DLGAP1: variants seen among roughly 807,000 people sequenced by gnomAD.
DLGAP1 encodes the protein DLG associated protein 1.
Under a neutral mutation model 90.8 loss-of-function variants are expected in DLGAP1, and 11 were observed. That is an observed-to-expected ratio of 0.12 (90% CI 0.08 to 0.20). The LOEUF is 0.20. Ranked by LOEUF, DLGAP1 falls within the 10% of genes least tolerant of loss-of-function variation. The probability of loss-of-function intolerance (pLI) is 1.00; values close to 1 mark genes in which losing one functional copy is unlikely to be tolerated. For missense variants in DLGAP1, 1,050 were observed against 1,333.8 expected, an observed-to-expected ratio of 0.79 and a Z score of 3.31; for synonymous variants, 558 against 540.7, an observed-to-expected ratio of 1.03 and a Z score of -0.44.
intron 7 of DLGAP1, among the ~76,000 whole-genome samples, chr18:3,725,791 T>C (rs1314277103): frequency 6.6e-6 from 1 of 152,198 alleles, no homozygotes; most frequent in Non-Finnish European, 1.5e-5. Flanking sequence ...TCCTTAATTT[T>C]TCCTGATTTG....
At chr18:4,210,948 C>T (rs1377261206) in intron 1 of DLGAP1, among the ~76,000 whole-genome samples, 2 of 152,106 alleles carry the variant, frequency 1.3e-5, no homozygotes, top group African/African-American at 4.8e-5. Flanking sequence ...TGTCTCCTGA[C>T]CTTGAGGTCA....
intron 2 of DLGAP1, among the ~76,000 whole-genome samples, chr18:4,013,070 TA>T (rs2074456213): frequency 6.6e-6 from 1 of 152,186 alleles, no homozygotes; most frequent in Non-Finnish European, 1.5e-5. Flanking sequence ...AATTGAGTAA[TA>T]TTAAGTTGTA....
chr18:3,964,718 T>C (rs184583972), intron 3 of DLGAP1, among the ~76,000 whole-genome samples: 151 of 152,288 alleles, frequency 9.9e-4, no homozygotes, highest in African/African-American at 3.5e-3. Context: ...GGTAGCCACT[T>C]AGTGTTTCAG....
At chr18:3,650,548 T>C (rs1397887735) in intron 7 of DLGAP1, among the ~76,000 whole-genome samples, 2 of 152,186 alleles carry the variant, frequency 1.3e-5, no homozygotes, top group Non-Finnish European at 1.5e-5. Context: ...GTTTGTTTAG[T>C]GTGGTGCTCC....
intron 4 of DLGAP1, among the ~76,000 whole-genome samples, chr18:3,862,531 G>A (rs963935176): frequency 2.7e-5 from 4 of 145,856 alleles, no homozygotes; most frequent in Admixed American, 7.3e-5. Context: ...GGTACAAAAC[G>A]CAGAGGAGCC....
At chr18:4,071,171 CT>C (rs2143465861) in intron 2 of DLGAP1, among the ~76,000 whole-genome samples, 1 of 151,710 alleles carries the variant, frequency 6.6e-6, no homozygotes, top group East Asian at 1.9e-4. Context: ...GACTTATTTC[CT>C]TAGAATTGAT....
chr18:3,514,918 T>C (rs1404597097), intron 10 of DLGAP1, among the ~76,000 whole-genome samples: 2 of 152,154 alleles, frequency 1.3e-5, no homozygotes, highest in Non-Finnish European at 2.9e-5. Context: ...TCACTTTGTA[T>C]TTTTTGTAGA....
chr18:4,188,946 T>C (rs545807996), intron 1 of DLGAP1, among the ~76,000 whole-genome samples: 3 of 152,344 alleles, frequency 2.0e-5, no homozygotes, highest in African/African-American at 7.2e-5. Flanking sequence ...GGAGATATTT[T>C]TGAATGATGT....
At chr18:4,233,112 C>G (rs1199368472) in intron 1 of DLGAP1, among the ~76,000 whole-genome samples, 1 of 152,080 alleles carries the variant, frequency 6.6e-6, no homozygotes, top group Non-Finnish European at 1.5e-5. Flanking sequence ...TCCATCTTCC[C>G]CTCATGTTAA....
At chr18:3,897,906 T>C (rs377257776) in intron 3 of DLGAP1, among the ~76,000 whole-genome samples, 4 of 148,670 alleles carry the variant, frequency 2.7e-5, no homozygotes, top group East Asian at 2.1e-4. Context: ...GCCATTCTCC[T>C]GCCTCAGCCT....
chr18:3,776,915 T>A (rs146125303), intron 5 of DLGAP1, among the ~76,000 whole-genome samples: 244 of 152,258 alleles, frequency 1.6e-3, no homozygotes, highest in African/African-American at 5.8e-3. Flanking sequence ...CTCAGCCTCA[T>A]GAGCAGCTGG....
At chr18:4,169,061 GT>G (rs2076981164) in intron 1 of DLGAP1, among the ~76,000 whole-genome samples, 1 of 152,118 alleles carries the variant, frequency 6.6e-6, no homozygotes. Flanking sequence ...TTTTGAGTAT[GT>G]TTCTAGAGTG....
At chr18:4,404,759 CCAGA>C (rs1309117881) in intron 1 of DLGAP1, among the ~76,000 whole-genome samples, 1 of 151,990 alleles carries the variant, frequency 6.6e-6, no homozygotes, top group Admixed American at 6.5e-5. Flanking sequence ...CGCATAAAGG[CCAGA>C]CAAATACAGC....
chr18:3,528,500 T>C (rs1056756661), intron 10 of DLGAP1, among the ~76,000 whole-genome samples: 2 of 152,252 alleles, frequency 1.3e-5, no homozygotes, highest in South Asian at 4.1e-4. Context: ...CAACGCAAAG[T>C]ATCATTATCT....
chr18:4,072,003 T>C (rs574489557), intron 2 of DLGAP1, among the ~76,000 whole-genome samples: 1 of 152,334 alleles, frequency 6.6e-6, no homozygotes, highest in African/African-American at 2.4e-5. Flanking sequence ...TGCTCATATA[T>C]GTGTGTCTAA....
chr18:4,097,854 G>T (rs745306337), intron 2 of DLGAP1, among the ~76,000 whole-genome samples: 2 of 152,238 alleles, frequency 1.3e-5, no homozygotes, highest in Non-Finnish European at 2.9e-5. Context: ...GAAGGAGGAA[G>T]TTGATACTAA....
At chr18:3,874,444 T>G in intron 4 of DLGAP1, 1 of 1,437,014 alleles carries the variant, frequency 7.0e-7, no homozygotes. Context: ...CTTGCTCTTC[T>G]GAATGGCTTT....
chr18:3,996,063 A>G (rs914789232), intron 3 of DLGAP1, among the ~76,000 whole-genome samples: 11 of 152,158 alleles, frequency 7.2e-5, no homozygotes, highest in Admixed American at 2.6e-4. Context: ...TTAACTTTTA[A>G]AGTTAGAAAC....
At chr18:3,856,070 CA>C (rs1046814742) in intron 4 of DLGAP1, among the ~76,000 whole-genome samples, 8 of 152,218 alleles carry the variant, frequency 5.3e-5, no homozygotes, top group African/African-American at 1.9e-4. Context: ...GTAATATGTG[CA>C]AGGAGTCAAT....
Sources: gnomAD v4.1 joint callset for allele counts (sites outside exome capture counted in the v4.1 genomes callset) on GRCh38, gnomAD v4.1.1 for gene constraint, MANE v1.5 for transcripts, NCBI Gene and HGNC (gene_info 2026-07-23, HGNC 2026-07-21) for gene names.